Variants in PALM2AKAP2 observed in about 807,000 individuals in gnomAD.
PALM2AKAP2 encodes PALM2 and AKAP2 fusion, also known as PALM2-AKAP2 fusion protein.
A neutral mutation model predicts 71.5 loss-of-function variants in PALM2AKAP2; 37 were observed. The observed-to-expected ratio is 0.52, with a 90% CI of 0.40 to 0.68. The LOEUF is 0.68. Among genes scored for constraint, PALM2AKAP2 ranks in the 30% least tolerant of loss-of-function variants. The probability of loss-of-function intolerance (pLI) is 0.00; values close to 1 mark genes in which losing one functional copy is unlikely to be tolerated. For synonymous variants in PALM2AKAP2, 468 were observed against 478.8 expected (o/e 0.98, Z 0.29); for missense variants, 1,224 against 1,191.8 (o/e 1.03, Z -0.40).
chr9:110,019,962 A>G (rs1833044584), intron 7 of PALM2AKAP2, among the ~76,000 whole-genome samples: 1 of 152,206 alleles, frequency 6.6e-6, no homozygotes. Context: ...AAATTAAATA[A>G]AAAGAATTAT....
At chr9:109,779,836 G>T (rs543524506), upstream of PALM2AKAP2, among the ~76,000 whole-genome samples, 3 of 152,146 alleles carry the variant, frequency 2.0e-5, no homozygotes, top group African/African-American at 7.2e-5. Context: ...TGAACACTCG[G>T]TGGCCCCAGC....
intron 5 of PALM2AKAP2, among the ~76,000 whole-genome samples, chr9:109,929,063 C>T (rs1831026452): frequency 6.6e-6 from 1 of 152,198 alleles, no homozygotes; most frequent in South Asian, 2.1e-4. Flanking sequence ...AAGGTAACTC[C>T]ATCATCCATT....
At chr9:110,051,981 C>T (rs1258517028) in intron 1 of PALM2AKAP2, among the ~76,000 whole-genome samples, 2 of 151,804 alleles carry the variant, frequency 1.3e-5, no homozygotes, top group Non-Finnish European at 2.9e-5. Flanking sequence ...CGGCTCACTG[C>T]AAGCTCCGCT....
chr9:110,157,542 G>A (rs985643496), intron 3 of PALM2AKAP2, among the ~76,000 whole-genome samples: 2 of 152,042 alleles, frequency 1.3e-5, no homozygotes, highest in Non-Finnish European at 2.9e-5. Flanking sequence ...GGGACCACAC[G>A]CGTATGCCAC....
chr9:109,990,883 C>T (rs952775353), intron 6 of PALM2AKAP2, among the ~76,000 whole-genome samples: 3 of 152,284 alleles, frequency 2.0e-5, no homozygotes, highest in East Asian at 3.9e-4. Flanking sequence ...TAGAAGACAA[C>T]GTTGAGAGGC....
At chr9:109,982,622 A>C (rs1832297420) in intron 6 of PALM2AKAP2, among the ~76,000 whole-genome samples, 1 of 152,146 alleles carries the variant, frequency 6.6e-6, no homozygotes. Flanking sequence ...TTAAAACAGT[A>C]AAATTTTTTT....
At chr9:109,918,646 T>C (rs550617466) in intron 3 of PALM2AKAP2, among the ~76,000 whole-genome samples, 2 of 152,370 alleles carry the variant, frequency 1.3e-5, no homozygotes, top group South Asian at 4.1e-4. Context: ...GCAGCCTGGC[T>C]GGGATGACTG....
intron 1 of PALM2AKAP2, among the ~76,000 whole-genome samples, chr9:109,775,133 C>A (rs1321177156): frequency 1.3e-5 from 2 of 152,190 alleles, no homozygotes; most frequent in Non-Finnish European, 2.9e-5. Context: ...TGATCTCTAA[C>A]CATTTGGCTC....
chr9:109,747,367 G>A (rs146021306), intron 1 of PALM2AKAP2, among the ~76,000 whole-genome samples: 46 of 152,308 alleles, frequency 3.0e-4, no homozygotes, highest in African/African-American at 1.1e-3. Context: ...CTCTAGAAAT[G>A]TTTGTTAAAA....
intron 1 of PALM2AKAP2, among the ~76,000 whole-genome samples, chr9:110,065,218 A>ATTAT (rs982493977): frequency 2.0e-4 from 30 of 151,974 alleles, no homozygotes; most frequent in African/African-American, 7.3e-4. Flanking sequence ...TCTGTTATTT[A>ATTAT]TTATTTATTT....
intron 6 of PALM2AKAP2, among the ~76,000 whole-genome samples, chr9:109,953,203 T>G (rs1831676354): frequency 6.6e-6 from 1 of 152,340 alleles, no homozygotes; most frequent in African/African-American, 2.4e-5. Context: ...TATCTCATCA[T>G]GGAGGGCAAA....
intron 1 of PALM2AKAP2, among the ~76,000 whole-genome samples, chr9:109,801,523 A>G (rs960222527): frequency 3.9e-5 from 6 of 152,222 alleles, no homozygotes; most frequent in African/African-American, 1.4e-4. Context: ...TTTACTTTCA[A>G]AAAAATAAAT....
At chr9:110,137,258 G>A (rs1164672595) in exon 2 of PALM2AKAP2, 1 of 1,614,142 alleles carries the variant, frequency 6.2e-7, no homozygotes, top group Non-Finnish European at 8.5e-7. Context: ...GCAAGCGGTG[G>A]CCAAGGGCCA....
At chr9:109,891,160 C>G (rs1020174689) in intron 3 of PALM2AKAP2, among the ~76,000 whole-genome samples, 1 of 152,124 alleles carries the variant, frequency 6.6e-6, no homozygotes, top group East Asian at 1.9e-4. Context: ...CTTTAAAGAC[C>G]GGTAGCATTC....
intron 6 of PALM2AKAP2, among the ~76,000 whole-genome samples, chr9:109,965,281 A>G (rs893643618): frequency 6.6e-6 from 1 of 152,264 alleles, no homozygotes; most frequent in African/African-American, 2.4e-5. Flanking sequence ...AGATATTTGT[A>G]TACCAATGCT....
At chr9:110,162,837 G>A (rs78387366) in intron 3 of PALM2AKAP2, among the ~76,000 whole-genome samples, 17,029 of 151,958 alleles carry the variant, frequency 0.11, 1,603 homozygotes, top group East Asian at 0.46. Context: ...CAAAGAGCTG[G>A]AACTACTGGT....
At chr9:109,919,174 A>G (rs781563853) in intron 3 of PALM2AKAP2, among the ~76,000 whole-genome samples, 1 of 152,208 alleles carries the variant, frequency 6.6e-6, no homozygotes, top group African/African-American at 2.4e-5. Context: ...CCTAGCTCGG[A>G]GTCCAACCAA....
chr9:109,942,745 C>T, intron 6 of PALM2AKAP2: 2 of 1,612,352 alleles, frequency 1.2e-6, no homozygotes, highest in Non-Finnish European at 1.7e-6. Flanking sequence ...GACCAAGATT[C>T]TCTCTACATC....
chr9:110,162,900 G>A (rs918844314), intron 3 of PALM2AKAP2, among the ~76,000 whole-genome samples: 2 of 151,554 alleles, frequency 1.3e-5, no homozygotes, highest in East Asian at 1.9e-4. Flanking sequence ...TTGTAGGGAC[G>A]GGGGTCTCGC....
Sources: allele counts gnomAD v4.1 joint callset (sites outside exome capture counted in the v4.1 genomes callset), GRCh38; gene constraint gnomAD v4.1.1; transcripts MANE v1.5; gene names NCBI Gene and HGNC (gene_info 2026-07-23, HGNC 2026-07-21).